Variants in PSMB7 observed in about 807,000 individuals in gnomAD.
PSMB7 encodes the protein proteasome 20S subunit beta 7.
In PSMB7, 5 loss-of-function variants were observed where a neutral mutation model predicts 28.1. That is an observed-to-expected ratio of 0.18 (90% CI 0.09 to 0.37). The LOEUF (loss-of-function observed/expected upper bound fraction) is 0.37, where lower values mean the gene tolerates loss of function less well. PSMB7 is among the 10% of genes least tolerant of loss of function. PSMB7 has a pLI of 1.00. For missense variants in PSMB7, 275 were observed against 346.2 expected (o/e 0.79, Z 1.63); for synonymous variants, 122 against 123.7 (o/e 0.99, Z 0.09).
intron 5 of PSMB7, among the ~76,000 whole-genome samples, chr9:124,389,079 T>C (rs1344500282): frequency 6.6e-6 from 1 of 152,190 alleles, no homozygotes; most frequent in Admixed American, 6.5e-5. Flanking sequence ...TAGCAGTAAA[T>C]GCCTGGATAA....
intron 5 of PSMB7, among the ~76,000 whole-genome samples, chr9:124,388,871 T>G (rs1315404076): frequency 6.6e-6 from 1 of 152,156 alleles, no homozygotes; most frequent in Non-Finnish European, 1.5e-5. Flanking sequence ...CCTTGGTCAC[T>G]CCCCTCCACA....
At chr9:124,371,354 T>C (rs1049658176) in intron 6 of PSMB7, among the ~76,000 whole-genome samples, 8 of 152,224 alleles carry the variant, frequency 5.3e-5, no homozygotes, top group Non-Finnish European at 2.9e-5. Context: ...TGGAAATCCA[T>C]TGTTCCAAGA....
At chr9:124,385,816 A>T (rs1830712823) in intron 5 of PSMB7, among the ~76,000 whole-genome samples, 1 of 152,178 alleles carries the variant, frequency 6.6e-6, no homozygotes, top group South Asian at 2.1e-4. Context: ...GAAAAAGGAG[A>T]AGCTGACAGC....
intron 6 of PSMB7, among the ~76,000 whole-genome samples, chr9:124,368,306 T>C (rs1295015897): frequency 2.6e-5 from 4 of 152,262 alleles, no homozygotes; most frequent in Non-Finnish European, 5.9e-5. Flanking sequence ...ATTTAATTTA[T>C]AAATCACTTG....
chr9:124,384,547 TA>T, intron 6 of PSMB7, 50 bp downstream of exon 6: 2 of 1,545,622 alleles, frequency 1.3e-6, no homozygotes, highest in Non-Finnish European at 1.8e-6. Context: ...ATGTTCAAGA[TA>T]AAACCAGAAA....
chr9:124,408,019 CA>C (rs1468092825), intron 4 of PSMB7, among the ~76,000 whole-genome samples: 2 of 152,116 alleles, frequency 1.3e-5, no homozygotes, highest in Non-Finnish European at 2.9e-5. Flanking sequence ...AAAAATTAGA[CA>C]AACATGGTGG....
At chr9:124,369,359 C>T (rs1830539171) in intron 6 of PSMB7, among the ~76,000 whole-genome samples, 1 of 152,140 alleles carries the variant, frequency 6.6e-6, no homozygotes, top group Non-Finnish European at 1.5e-5. Context: ...CTCATTACAG[C>T]AGGTAATCTC....
At chr9:124,369,578 C>T (rs1331279878) in intron 6 of PSMB7, among the ~76,000 whole-genome samples, 5 of 152,142 alleles carry the variant, frequency 3.3e-5, no homozygotes, top group African/African-American at 1.2e-4. Context: ...CATTGAAGAG[C>T]GGATGCTAAT....
chr9:124,367,733 C>A (rs1481932590), intron 6 of PSMB7, among the ~76,000 whole-genome samples: 1 of 152,146 alleles, frequency 6.6e-6, no homozygotes, highest in Non-Finnish European at 1.5e-5. Context: ...ACCTAAAACC[C>A]CCAAGCACCA....
At chr9:124,388,085 T>C (rs1417253094) in intron 5 of PSMB7, among the ~76,000 whole-genome samples, 1 of 152,252 alleles carries the variant, frequency 6.6e-6, no homozygotes, top group East Asian at 1.9e-4. Flanking sequence ...CCACTAATAA[T>C]GCCCTGAGAC....
At position 124,415,417 on chromosome 9, in the gene PSMB7, A is replaced by C. The variant is rs368218092; in HGVS notation, c.9T>G (p.Ala3=). Residue 3 remains alanine, a synonymous_variant, in exon 1 of 8, where the codon GCT becomes GCG. Transcript: ENST00000259457. The part of the protein sequence containing the change: MA[A]VSVYAPPVGG... ...CAACTGGTGGAGCATACACCGACACAGCCGCCATCTTCCCAAGAAAGCAGT... is the reference window on the plus strand; with the variant it reads ...CAACTGGTGGAGCATACACCGACACCGCCGCCATCTTCCCAAGAAAGCAGT... 1.2e-5 allele frequency: 19 copies of C among 1,614,166 alleles called. No individual in the cohort carries two copies. The highest frequency in any genetic ancestry group is 1.5e-5 in the Non-Finnish European group (18 of 1,180,006).
intron 5 of PSMB7, among the ~76,000 whole-genome samples, chr9:124,398,083 G>A (rs1830859626): frequency 6.6e-6 from 1 of 152,066 alleles, no homozygotes; most frequent in Admixed American, 6.5e-5. Context: ...GGCGGAGGCA[G>A]GATCACTTGA....
chr9:124,373,731 C>T (rs530021439), intron 6 of PSMB7, among the ~76,000 whole-genome samples: 3 of 152,244 alleles, frequency 2.0e-5, no homozygotes, highest in African/African-American at 7.2e-5. Flanking sequence ...GTCTTGGTGA[C>T]AATCAAGGAT....
chr9:124,391,677 A>G (rs780205942), intron 5 of PSMB7, among the ~76,000 whole-genome samples: 3 of 151,604 alleles, frequency 2.0e-5, no homozygotes, highest in Non-Finnish European at 4.4e-5. Context: ...ATTAGTCTCC[A>G]TTTTCTAAAA....
intron 4 of PSMB7, 33 bp downstream of exon 4, chr9:124,412,319 A>G: frequency 1.9e-6 from 3 of 1,602,294 alleles, no homozygotes; most frequent in Non-Finnish European, 1.7e-6. Context: ...TGAGAAGAAG[A>G]TACTAGTAGG....
chr9:124,382,219 TTTTTTTG>T (rs1222652777), intron 6 of PSMB7, among the ~76,000 whole-genome samples: 4 of 107,270 alleles, frequency 3.7e-5, no homozygotes, highest in Non-Finnish European at 8.4e-5. Flanking sequence ...TTTTTTTTTT[TTTTTTTG>T]AGACAAAGTC....
chr9:124,357,793 CA>C (rs1177431216), intron 6 of PSMB7, among the ~76,000 whole-genome samples: 1 of 152,174 alleles, frequency 6.6e-6, no homozygotes, highest in East Asian at 1.9e-4. Context: ...AAGAGTCTAG[CA>C]GGGGCACCTG....
intron 6 of PSMB7, among the ~76,000 whole-genome samples, chr9:124,382,483 T>C (rs1432966847): frequency 5.3e-5 from 8 of 152,050 alleles, no homozygotes; most frequent in African/African-American, 9.7e-5. Context: ...GTTGGGATTA[T>C]AGGCATGAGC....
rs1405780216 is a variant in PSMB7 at position 124,394,252 on chromosome 9, G to C, written c.512-9596C>G. On this transcript the variant is annotated intron_variant, in intron 5 of 7. Transcript: ENST00000259457. ...TGGTTAACAGCAAATCCCTCATTCT[G>C]TGAACTACACAGTGAAAAGCCTTCT... is the stretch of plus-strand genomic sequence containing the variant. 2.6e-5 allele frequency among the ~76,000 whole-genome samples: 4 copies of C among 152,336 alleles called. No homozygotes were observed. In the East Asian group the frequency reaches 7.7e-4, roughly 29 times the overall value.
Sources: allele counts gnomAD v4.1 joint callset (sites outside exome capture counted in the v4.1 genomes callset), GRCh38; gene constraint gnomAD v4.1.1; transcripts MANE v1.5; gene names NCBI Gene and HGNC (gene_info 2026-07-23, HGNC 2026-07-21).